NBAS: variants seen among roughly 807,000 people sequenced by gnomAD.
NBAS encodes the protein NBAS subunit of NRZ tethering complex.
In NBAS, 219 loss-of-function variants were observed where a neutral mutation model predicts 302.5. That is an observed-to-expected ratio of 0.72 (90% CI 0.65 to 0.81). The LOEUF (loss-of-function observed/expected upper bound fraction) is 0.81. Among genes scored for constraint, NBAS ranks in the 30% least tolerant of loss-of-function variants. The pLI is 0.00. For synonymous variants in NBAS, 1,118 were observed against 1,021.6 expected (o/e 1.09, Z -1.80); for missense variants, 2,932 against 2,841.6 (o/e 1.03, Z -0.72).
chr2:15,323,789 C>T (rs1300810966), intron 38 of NBAS, among the ~76,000 whole-genome samples: 1 of 151,704 alleles, frequency 6.6e-6, no homozygotes, highest in Non-Finnish European at 1.5e-5. Flanking sequence ...GAGCCACAAT[C>T]ACGCCACTGC....
chr2:15,511,013 A>C (rs1662110343), intron 10 of NBAS, among the ~76,000 whole-genome samples, 199 bp downstream of exon 10: 1 of 152,248 alleles, frequency 6.6e-6, no homozygotes, highest in Non-Finnish European at 1.5e-5. Flanking sequence ...ACTACTAAAA[A>C]TTATTCCAAG....
At position 15,356,408 on chromosome 2, in the gene NBAS, G is replaced by T. The variant is rs757649243; in HGVS notation, c.3826C>A (p.Pro1276Thr). 1.2e-6 allele frequency: 2 copies of T among 1,613,276 alleles called. No homozygotes were observed. The highest frequency in any genetic ancestry group is 1.7e-6 in the Non-Finnish European group (2 of 1,179,404). The change falls in exon 33 of 52, where the codon CCA (proline) becomes ACA (threonine). Residue 1276 changes from proline to threonine, a missense_variant. Pro to Thr is a conservative substitution (Grantham distance 38). Transcript: ENST00000281513. ...AGAACCTGTCCCCGCCTTTCTTCTG[G>T]GTTCTCACCTGTAAGTCCAAGCAAA... ...AELLRVAGEN[P>T]EERRGQVLIL... is the part of the protein sequence containing the mutation.
At chr2:14,978,190 T>C in the NBAS span, among the ~76,000 whole-genome samples, 1 of 152,222 alleles carries the variant, frequency 6.6e-6, no homozygotes, top group African/African-American at 2.4e-5. Context: ...ATCTCCTCTG[T>C]GCAACTTTCC....
chr2:15,130,572 G>A, the NBAS span, among the ~76,000 whole-genome samples: 1 of 152,224 alleles, frequency 6.6e-6, no homozygotes, highest in Admixed American at 6.5e-5. Context: ...ATGAACACAG[G>A]AGAATATGAG....
At chr2:15,349,862 C>A (rs905758720) in intron 35 of NBAS, among the ~76,000 whole-genome samples, 1 of 152,060 alleles carries the variant, frequency 6.6e-6, no homozygotes, top group Non-Finnish European at 1.5e-5. Context: ...ATTTCAAGTG[C>A]TCAATAGCTC....
the NBAS span, among the ~76,000 whole-genome samples, chr2:15,073,350 G>A: frequency 4.0e-5 from 6 of 151,846 alleles, no homozygotes; most frequent in African/African-American, 1.5e-4. Flanking sequence ...GTGGTGGCAG[G>A]TGCCTGTAAT....
At chr2:15,085,881 G>T in the NBAS span, among the ~76,000 whole-genome samples, 1 of 152,290 alleles carries the variant, frequency 6.6e-6, no homozygotes, top group South Asian at 2.1e-4. Flanking sequence ...GTGTGGGGGA[G>T]GGTGAGGGGG....
At chr2:15,393,866 C>T (rs1675735056) in intron 28 of NBAS, 3 of 385,666 alleles carry the variant, frequency 7.8e-6, no homozygotes, top group South Asian at 6.3e-5. Flanking sequence ...AAAAGTTACA[C>T]TGTGTGACTG....
chr2:14,970,461 C>T, the NBAS span, among the ~76,000 whole-genome samples: 4 of 152,214 alleles, frequency 2.6e-5, no homozygotes, highest in Admixed American at 2.6e-4. Context: ...ATAACAGCAC[C>T]TAACATATTT....
At chr2:15,234,883 G>A in intron 45 of NBAS, 136 bp from the exon 46 acceptor site, 1 of 911,036 alleles carries the variant, frequency 1.1e-6, no homozygotes, top group East Asian at 2.6e-5. Flanking sequence ...GCATGTATTA[G>A]TTAGTTATTA....
chr2:15,047,531 A>G, the NBAS span, among the ~76,000 whole-genome samples: 5 of 94,952 alleles, frequency 5.3e-5, no homozygotes, highest in Non-Finnish European at 1.1e-4. Context: ...GCCCGGGCAG[A>G]TGAAGGCTGG....
chr2:14,847,382 T>TAAAAAAA, the NBAS span, among the ~76,000 whole-genome samples: 1 of 53,166 alleles, frequency 1.9e-5, no homozygotes, highest in Non-Finnish European at 3.5e-5. Context: ...GACTCTATCT[T>TAAAAAAA]AAAAAAAAAA....
intron 47 of NBAS, among the ~76,000 whole-genome samples, 200 bp downstream of exon 47, chr2:15,232,222 C>T (rs1009383244): frequency 1.3e-5 from 2 of 152,050 alleles, no homozygotes; most frequent in Admixed American, 1.3e-4. Context: ...GAAAACAATG[C>T]TCTCCATGGC....
the NBAS span, among the ~76,000 whole-genome samples, chr2:15,030,281 G>A: frequency 6.6e-6 from 1 of 152,190 alleles, no homozygotes; most frequent in African/African-American, 2.4e-5. Flanking sequence ...CAGGGTGGTG[G>A]AGCATGTGAT....
chr2:15,532,272 G>A (rs1394851856), intron 9 of NBAS, among the ~76,000 whole-genome samples: 8 of 151,946 alleles, frequency 5.3e-5, no homozygotes, highest in South Asian at 2.1e-4. Flanking sequence ...GGCGGATCAC[G>A]AGGTCAGGAG....
At chr2:14,947,594 G>C in the NBAS span, among the ~76,000 whole-genome samples, 1 of 152,014 alleles carries the variant, frequency 6.6e-6, no homozygotes, top group Non-Finnish European at 1.5e-5. Flanking sequence ...TGGCTGGTTT[G>C]AATTCTTCCT....
At chr2:15,219,048 G>T in intron 47 of NBAS, 80 bp from the exon 48 acceptor site, 2 of 1,520,062 alleles carry the variant, frequency 1.3e-6, no homozygotes, top group South Asian at 1.2e-5. Context: ...TGTGGTCACT[G>T]ACCTAACACT....
At position 15,346,898 on chromosome 2, in the gene NBAS, T is replaced by C. The variant is rs148947434; in HGVS notation, c.4179+5094A>G. 9.5e-3 allele frequency among the ~76,000 whole-genome samples: 1,439 copies of C among 152,014 alleles called. 29 individuals carry two copies. Among genetic ancestry groups the C allele is most frequent in the African/African-American group, 0.032 (1,341 of 41,448 alleles). On this transcript the variant is annotated intron_variant, in intron 35 of 51. Transcript: ENST00000281513. Reference sequence around the variant, plus strand: ...CCATTATCCTCAGCAAACTAACACATGAACAGAAAACAAAACACCACATGT... The same window carrying C: ...CCATTATCCTCAGCAAACTAACACACGAACAGAAAACAAAACACCACATGT...
the NBAS span, among the ~76,000 whole-genome samples, chr2:15,019,605 A>G: frequency 6.6e-6 from 1 of 152,294 alleles, no homozygotes; most frequent in East Asian, 1.9e-4. Context: ...TTTTCACTGC[A>G]TGACTATCTG....
Sources: gnomAD v4.1 joint callset for allele counts (sites outside exome capture counted in the v4.1 genomes callset) on GRCh38, gnomAD v4.1.1 for gene constraint, MANE v1.5 for transcripts, NCBI Gene and HGNC (gene_info 2026-07-23, HGNC 2026-07-21) for gene names.